Variants in STPG2 observed in about 807,000 individuals in gnomAD.
STPG2 encodes sperm-tail PG-rich repeat-containing protein 2.
STPG2 carries 56 observed loss-of-function variants against 54.2 expected under a neutral mutation model. The observed-to-expected ratio is 1.03, with a 90% CI of 0.83 to 1.29. The LOEUF (loss-of-function observed/expected upper bound fraction) is 1.29. Among genes scored for constraint, STPG2 ranks in the 50% most tolerant of loss-of-function variants. The probability of loss-of-function intolerance (pLI) is 0.00; values close to 1 mark genes in which losing one functional copy is unlikely to be tolerated. For missense variants in STPG2, 596 were observed against 544.9 expected, an observed-to-expected ratio of 1.09 and a Z score of -0.93; for synonymous variants, 200 against 181.8, an observed-to-expected ratio of 1.10 and a Z score of -0.81.
At chr4:97,980,201 A>T (rs942092827) in intron 6 of STPG2, among the ~76,000 whole-genome samples, 17 of 152,238 alleles carry the variant, frequency 1.1e-4, no homozygotes, top group African/African-American at 3.9e-4. Flanking sequence ...AAATTTTTTT[A>T]AAAAATGATC....
At chr4:98,110,365 CTAA>C (rs1229037314) in intron 3 of STPG2, among the ~76,000 whole-genome samples, 1 of 152,150 alleles carries the variant, frequency 6.6e-6, no homozygotes, top group Non-Finnish European at 1.5e-5. Flanking sequence ...CACATGCACA[CTAA>C]AAGGCAAAAT....
intron 5 of STPG2, among the ~76,000 whole-genome samples, chr4:98,000,257 T>C (rs1216708401): frequency 6.6e-6 from 1 of 152,136 alleles, no homozygotes. Context: ...CTTTCTGTTA[T>C]GTCATCTTAT....
intron 4 of STPG2, among the ~76,000 whole-genome samples, chr4:97,521,861 G>A (rs114418049): frequency 0.021 from 3,249 of 151,990 alleles, 72 homozygotes; most frequent in African/African-American, 0.059. Flanking sequence ...TGTAGTATCA[G>A]CTACTGGGAA....
rs530133009 is a variant in STPG2, at chr4:97,521,107, C to T, written c.462+191592G>A. Reference sequence around the variant, plus strand: ...TACTCCACTGTTTGTTACTATTGTACATTATTAAACAGTATATTGCAAAGA... The same window carrying T: ...TACTCCACTGTTTGTTACTATTGTATATTATTAAACAGTATATTGCAAAGA... On this transcript the variant is annotated intron_variant, in intron 4 of 4. Transcript: ENST00000522676. Among the ~76,000 whole-genome samples, 5 of 152,032 alleles carry T rather than the reference C, an allele frequency of 3.3e-5. No homozygotes were observed. The South Asian group carries it at 1.0e-3, about 32-fold the overall frequency.
At position 98,143,127 on chromosome 4, in the gene STPG2, C is replaced by G. The variant is rs781577380; in HGVS notation, c.24G>C (p.Leu8=). 3 of 1,613,748 alleles carry G rather than the reference C, an allele frequency of 1.9e-6. No homozygotes were observed. In the Admixed American group the frequency reaches 5.0e-5, roughly 27 times the overall value. Residue 8 remains leucine (L), a synonymous_variant, in exon 1 of 11, where the codon CTG becomes CTC. Transcript: ENST00000295268. ...TGCTGCCACCTTCAGCCAATTTGAG[C>G]AGGCGGGGAGCCCGATCATACATAG... The part of the protein sequence containing the change: MYDRAPR[L]LKLAEGGSTE...
chr4:97,678,034 A>T (rs1188379064), intron 10 of STPG2, among the ~76,000 whole-genome samples: 1 of 152,054 alleles, frequency 6.6e-6, no homozygotes, highest in Non-Finnish European at 1.5e-5. Flanking sequence ...AAGCCATATA[A>T]TTGTTTCTTT....
At chr4:97,970,252 C>T (rs576912404) in intron 7 of STPG2, among the ~76,000 whole-genome samples, 1 of 152,152 alleles carries the variant, frequency 6.6e-6, no homozygotes, top group Non-Finnish European at 1.5e-5. Context: ...TTTATAGATT[C>T]AATGCCATCC....
chr4:97,726,197 A>C (rs560226750), intron 9 of STPG2, among the ~76,000 whole-genome samples: 1 of 152,068 alleles, frequency 6.6e-6, no homozygotes, highest in Admixed American at 6.6e-5. Flanking sequence ...ACTCAAGAAA[A>C]AAGTAGACAA....
At chr4:97,672,349 A>AT (rs5860509) in intron 10 of STPG2, among the ~76,000 whole-genome samples, 3 of 150,730 alleles carry the variant, frequency 2.0e-5, no homozygotes, top group Admixed American at 2.0e-4. Context: ...AATTTTTGTA[A>AT]TTTTTTTTAG....
In STPG2 at chr4:98,100,614, C is replaced by CG. The variant is rs1198589425; in HGVS notation, c.612+5338_612+5339insC. ...AATGGAGTGAAGCTATTAGGCCTAT[C>CG]ACACACCAAATTTACCAACCTTCCC... On this transcript the variant is annotated intron_variant, in intron 5 of 10. Transcript: ENST00000295268. 2.0e-5 allele frequency among the ~76,000 whole-genome samples: 3 copies of CG among 150,498 alleles called. No individual in the cohort carries two copies. In the East Asian group the frequency reaches 5.9e-4, roughly 30 times the overall value.
intron 6 of STPG2, among the ~76,000 whole-genome samples, chr4:97,973,494 A>T (rs1400675391): frequency 6.6e-6 from 1 of 152,240 alleles, no homozygotes; most frequent in Non-Finnish European, 1.5e-5. Context: ...TCTGAGGAGA[A>T]ATTCAAGCTG....
chr4:97,623,047 G>A (rs1734052028), intron 10 of STPG2, among the ~76,000 whole-genome samples: 1 of 152,058 alleles, frequency 6.6e-6, no homozygotes, highest in African/African-American at 2.4e-5. Context: ...AAATGGTGCT[G>A]GAATAACTGG....
At chr4:97,686,968 T>A (rs1249288450) in intron 10 of STPG2, among the ~76,000 whole-genome samples, 1 of 146,502 alleles carries the variant, frequency 6.8e-6, no homozygotes, top group African/African-American at 2.5e-5. Context: ...AGAGAGTGAG[T>A]CTCGCTCTGT....
At chr4:98,080,031 T>C (rs1453670334) in intron 5 of STPG2, among the ~76,000 whole-genome samples, 4 of 152,118 alleles carry the variant, frequency 2.6e-5, no homozygotes, top group Non-Finnish European at 5.9e-5. Context: ...ATAAAATATG[T>C]ATTACATTAT....
At chr4:97,957,270 A>G (rs1264473921) in intron 7 of STPG2, among the ~76,000 whole-genome samples, 1 of 149,770 alleles carries the variant, frequency 6.7e-6, no homozygotes, top group Non-Finnish European at 1.5e-5. Flanking sequence ...ACACACTAAT[A>G]GAAATGCAAA....
chr4:97,522,345 G>A (rs1355262556), intron 4 of STPG2, among the ~76,000 whole-genome samples: 1 of 151,870 alleles, frequency 6.6e-6, no homozygotes. Flanking sequence ...TTGCTATTTT[G>A]TTATAATCAT....
chr4:98,087,023 A>G (rs1161305112), intron 5 of STPG2, among the ~76,000 whole-genome samples: 1 of 152,230 alleles, frequency 6.6e-6, no homozygotes, highest in African/African-American at 2.4e-5. Context: ...CTCAATAAAC[A>G]TTTTTGAAAA....
intron 2 of STPG2, among the ~76,000 whole-genome samples, chr4:98,130,504 T>C (rs1739956988): frequency 6.6e-6 from 1 of 152,118 alleles, no homozygotes; most frequent in Non-Finnish European, 1.5e-5. Flanking sequence ...TTTTATCAAA[T>C]TAAAGACAAC....
chr4:97,589,136 G>A (rs1366625885), intron 10 of STPG2, among the ~76,000 whole-genome samples: 3 of 151,912 alleles, frequency 2.0e-5, no homozygotes, highest in Non-Finnish European at 4.4e-5. Flanking sequence ...AAATCTCCAA[G>A]AGGAAAAATA....
Sources: allele counts gnomAD v4.1 joint callset (sites outside exome capture counted in the v4.1 genomes callset), GRCh38; gene constraint gnomAD v4.1.1; transcripts MANE v1.5; gene names NCBI Gene and HGNC (gene_info 2026-07-23, HGNC 2026-07-21).